RHOBTB2: variants seen among roughly 807,000 people sequenced by gnomAD.
RHOBTB2 encodes Rho related BTB domain containing 2.
RHOBTB2 carries 39 observed loss-of-function variants against 66.5 expected under a neutral mutation model. The ratio of observed to expected loss-of-function variants is 0.59; its 90% confidence interval spans 0.45 to 0.77. The LOEUF is 0.77. Ranked by LOEUF, RHOBTB2 falls within the 30% of genes least tolerant of loss-of-function variation. The probability of loss-of-function intolerance (pLI) is 0.00; values close to 1 mark genes in which losing one functional copy is unlikely to be tolerated. For missense variants in RHOBTB2, 755 were observed against 999.1 expected, an observed-to-expected ratio of 0.76 and a Z score of 3.29; for synonymous variants, 390 against 395.0, an observed-to-expected ratio of 0.99 and a Z score of 0.15.
the RHOBTB2 span, among the ~76,000 whole-genome samples, chr8:22,970,200 A>G: frequency 1.3e-5 from 2 of 152,292 alleles, no homozygotes; most frequent in South Asian, 4.1e-4. Flanking sequence ...CAGGTTGCAC[A>G]TCTGGTGAGC....
chr8:22,998,608 C>T (rs1810646628), upstream of RHOBTB2, among the ~76,000 whole-genome samples: 2 of 150,562 alleles, frequency 1.3e-5, no homozygotes. Flanking sequence ...GTGGCGTGCA[C>T]TTGTAGTCCC....
Position 23,008,039 on chromosome 8 carries a change from C to T in RHOBTB2, c.1548C>T (p.Pro516=), listed in dbSNP as rs1172749010. The T allele has an allele frequency of 1.2e-6, 2 of 1,613,736 alleles. No homozygotes were observed. Among genetic ancestry groups the T allele is most frequent in the Non-Finnish European group, 1.7e-6 (2 of 1,179,912 alleles). ...ATGGCACCATCAGCGCCCACAAGCC[C>T]CTGTTGATTTCCAGCTGTGACTGGA... ...LDDGTISAHK[P]LLISSCDWMA... The change falls in exon 6 of 10, where the codon CCC becomes CCT. Residue 516 remains proline (P), a synonymous_variant. Coordinates refer to ENST00000251822, the MANE Select transcript of RHOBTB2 (RefSeq NM_015178.3).
chr8:23,007,550 G>A lies in RHOBTB2; in HGVS notation c.1305G>A (p.Thr435=), dbSNP rs902906908. 1.2e-5 allele frequency: 20 copies of A among 1,614,016 alleles called. No homozygotes were observed. Among genetic ancestry groups the A allele is most frequent in the Middle Eastern group, 1.6e-4 (1 of 6,084 alleles). ...GGGCTGTCCTCAAGTACCTGTACAC[G>A]GGGGAGCTAGATGAGAACGAGCGTG... ...PFRAVLKYLY[T]GELDENERDL... is the part of the protein sequence containing the mutation. The change falls in exon 5 of 10, where the codon ACG becomes ACA. Residue 435 remains threonine, a synonymous_variant. Transcript: ENST00000251822.
At chr8:22,995,857 C>A, upstream of RHOBTB2, 1 of 1,551,626 alleles carries the variant, frequency 6.4e-7, no homozygotes, top group Non-Finnish European at 8.7e-7. Flanking sequence ...TGTAGTGTTC[C>A]AGGAGAGGGG....
At position 23,019,890 on chromosome 8, in the gene RHOBTB2, C is replaced by A; in HGVS notation, c.*2421C>A. ...CAGGCCAACATTGGTGTCCCTGTCC[C>A]CAGAGGGAGGAGCAGGCAGGAGAGA... On this transcript the variant is annotated 3_prime_UTR_variant, in exon 10 of 10. Coordinates refer to ENST00000251822, the MANE Select transcript of RHOBTB2 (RefSeq NM_015178.3). 1 of 206,512 alleles carries A rather than the reference C, an allele frequency of 4.8e-6. No homozygotes were observed. The highest frequency in any genetic ancestry group is 7.3e-5 in the South Asian group (1 of 13,632). 12.8% of individuals were successfully genotyped at this position (206,512 alleles called of 1,614,324 possible).
chr8:23,008,568 A>G (rs1207628043), intron 6 of RHOBTB2, among the ~76,000 whole-genome samples: 2 of 152,088 alleles, frequency 1.3e-5, no homozygotes, highest in African/African-American at 4.8e-5. Flanking sequence ...TTTTATTATT[A>G]TTGAGGTGTA....
the RHOBTB2 span, among the ~76,000 whole-genome samples, chr8:22,953,205 T>A: frequency 6.6e-6 from 1 of 152,206 alleles, no homozygotes; most frequent in African/African-American, 2.4e-5. Flanking sequence ...TAGAGGAACG[T>A]CATGTACCAG....
At chr8:22,957,165 T>C in the RHOBTB2 span, among the ~76,000 whole-genome samples, 4,405 of 152,160 alleles carry the variant, frequency 0.029, 154 homozygotes, top group African/African-American at 0.085. Context: ...TGATATATTA[T>C]TGCAGAGGAT....
the RHOBTB2 span, among the ~76,000 whole-genome samples, chr8:22,961,839 A>G: frequency 2.6e-5 from 4 of 152,212 alleles, no homozygotes; most frequent in Non-Finnish European, 4.4e-5. Context: ...AACCCTGACA[A>G]ATGCAAGTGA....
At chr8:22,992,352 CA>C (rs1314199901) in intron 2 of RHOBTB2, among the ~76,000 whole-genome samples, 1 of 152,056 alleles carries the variant, frequency 6.6e-6, no homozygotes, top group African/African-American at 2.4e-5. Flanking sequence ...GCTAATGCCT[CA>C]TGAAAAAGTT....
chr8:22,998,282 C>T (rs12675371), upstream of RHOBTB2, among the ~76,000 whole-genome samples: 8,112 of 152,258 alleles, frequency 0.053, 409 homozygotes, highest in East Asian at 0.23. Context: ...TTTGCATAAA[C>T]TAATATTAGA....
chr8:23,016,424 A>T (rs908033912), intron 9 of RHOBTB2, among the ~76,000 whole-genome samples: 12 of 151,746 alleles, frequency 7.9e-5, no homozygotes, highest in Non-Finnish European at 1.5e-4. Context: ...TTATTTATTT[A>T]TTTTTTTGAG....
upstream of RHOBTB2, among the ~76,000 whole-genome samples, chr8:22,998,227 T>C (rs755436324): frequency 2.0e-5 from 3 of 152,244 alleles, no homozygotes; most frequent in Non-Finnish European, 4.4e-5. Flanking sequence ...AATTCATTTT[T>C]AACCCGGCTT....
chr8:22,992,728 G>C (rs567357417), intron 2 of RHOBTB2, among the ~76,000 whole-genome samples: 1 of 152,328 alleles, frequency 6.6e-6, no homozygotes, highest in East Asian at 1.9e-4. Flanking sequence ...ACGTCATTAA[G>C]GGTGGTAATT....
In RHOBTB2 at chr8:23,014,609, A is replaced by C; in HGVS notation, c.1772-81A>C. ...CGGGCCCTGGTTTTCCTCACCCTGA[A>C]GTGAGCTGGGGGATGTGGTGGGGCA... On this transcript the variant is annotated intron_variant, in intron 7 of 9. Transcript: ENST00000251822. 2.3e-6 allele frequency: 3 copies of C among 1,304,374 alleles called. No homozygotes were observed. In the South Asian group the frequency reaches 3.7e-5, roughly 16 times the overall value. 80.8% of individuals were successfully genotyped at this position (1,304,374 alleles called of 1,614,324 possible). A position where few individuals can be genotyped will look rare whatever the true frequency, so the allele number is the denominator to read the frequency against.
chr8:22,984,801 G>A (rs1810262842), upstream of RHOBTB2: 1 of 152,176 alleles, frequency 6.6e-6, no homozygotes. Context: ...GTGCATGCCT[G>A]TAATCCCAGC....
upstream of RHOBTB2, among the ~76,000 whole-genome samples, chr8:22,982,776 G>A (rs889905688): frequency 1.3e-5 from 2 of 152,166 alleles, no homozygotes; most frequent in African/African-American, 2.4e-5. Flanking sequence ...CTTAAACTGG[G>A]TGACTTATAA....
At chr8:22,979,608 G>A in the RHOBTB2 span, among the ~76,000 whole-genome samples, 38,536 of 151,450 alleles carry the variant, frequency 0.25, 5,272 homozygotes, top group Admixed American at 0.32. Context: ...TGTTTATGAC[G>A]TCCTATACAT....
At chr8:23,009,523 C>G (rs765341149) in intron 6 of RHOBTB2, among the ~76,000 whole-genome samples, 7 of 152,180 alleles carry the variant, frequency 4.6e-5, no homozygotes, top group Admixed American at 6.5e-5. Context: ...AACGTCCACA[C>G]CGTTTCCCCT....
Sources: allele counts gnomAD v4.1 joint callset (sites outside exome capture counted in the v4.1 genomes callset), GRCh38; gene constraint gnomAD v4.1.1; transcripts MANE v1.5; gene names NCBI Gene and HGNC (gene_info 2026-07-23, HGNC 2026-07-21).